CYP39A1: variants seen among roughly 807,000 people sequenced by gnomAD.
CYP39A1 encodes 24-hydroxycholesterol 7-alpha-hydroxylase.
Under a neutral mutation model 58.1 loss-of-function variants are expected in CYP39A1, and 49 were observed. The ratio of observed to expected loss-of-function variants is 0.84; its 90% CI spans 0.67 to 1.07. CYP39A1 has a LOEUF of 1.07. Among genes scored for constraint, CYP39A1 ranks in the 50% least tolerant of loss-of-function variants. The probability of loss-of-function intolerance (pLI) is 0.00; values close to 1 mark genes in which losing one functional copy is unlikely to be tolerated. For synonymous variants in CYP39A1, 209 were observed against 187.6 expected, an observed-to-expected ratio of 1.11 and a Z score of -0.93; for missense variants, 531 against 539.4, an observed-to-expected ratio of 0.98 and a Z score of 0.16.
At chr6:46,611,862 G>C (rs1774235125) in intron 7 of CYP39A1, among the ~76,000 whole-genome samples, 1 of 152,098 alleles carries the variant, frequency 6.6e-6, no homozygotes, top group Admixed American at 6.6e-5. Flanking sequence ...TCTCTGGAGA[G>C]ATGTCAGCCT....
rs1776191810 is a variant in CYP39A1, at chr6:46,639,474, AT to A, written c.488+19del. 6.2e-7 allele frequency: 1 copy of A among 1,609,828 alleles called. No homozygotes were observed. The highest frequency in any genetic ancestry group is 1.7e-5 in the Admixed American group (1 of 59,046). On this transcript the variant is annotated intron_variant, in intron 3 of 11. Transcript: ENST00000275016. ...TTAAAACAAAAAGCAAGACTAAATC[AT>A]ACTAATGCGTCTATTTACCTTACTA...
chr6:46,569,664 A>G (rs2150492640), intron 10 of CYP39A1, among the ~76,000 whole-genome samples: 1 of 152,208 alleles, frequency 6.6e-6, no homozygotes. Flanking sequence ...TTAATGTGGT[A>G]TATGACATTC....
intron 9 of CYP39A1, among the ~76,000 whole-genome samples, chr6:46,587,582 T>C (rs943022935): frequency 2.0e-5 from 3 of 152,150 alleles, no homozygotes; most frequent in African/African-American, 7.2e-5. Flanking sequence ...CAGTTTTACC[T>C]AAAGGCAGAG....
At chr6:46,594,853 C>G (rs1159636660) in intron 8 of CYP39A1, among the ~76,000 whole-genome samples, 1 of 151,762 alleles carries the variant, frequency 6.6e-6, no homozygotes, top group Admixed American at 6.6e-5. Context: ...GCCAAAGAAA[C>G]AGTCAACAGA....
chr6:46,595,602 G>A (rs1193639113), intron 8 of CYP39A1, among the ~76,000 whole-genome samples: 1 of 151,742 alleles, frequency 6.6e-6, no homozygotes, highest in East Asian at 1.9e-4. Flanking sequence ...AGGGGTGGAG[G>A]AGGACCTGGA....
intron 1 of CYP39A1, among the ~76,000 whole-genome samples, chr6:46,642,866 C>A (rs1776430214): frequency 6.6e-6 from 1 of 152,206 alleles, no homozygotes; most frequent in Non-Finnish European, 1.5e-5. Flanking sequence ...ATGGAGCAAT[C>A]AAGTAGCGGT....
chr6:46,585,807 C>T (rs1772442194), intron 10 of CYP39A1, among the ~76,000 whole-genome samples: 1 of 152,100 alleles, frequency 6.6e-6, no homozygotes, highest in Admixed American at 6.6e-5. Flanking sequence ...GATTCAGGCT[C>T]CTACTATATT....
chr6:46,563,533 C>A (rs185697152), intron 10 of CYP39A1, among the ~76,000 whole-genome samples: 5 of 152,170 alleles, frequency 3.3e-5, no homozygotes, highest in Admixed American at 1.3e-4. Flanking sequence ...ATTGAGAACA[C>A]CAAGACCGAC....
At chr6:46,614,796 G>T (rs182352768) in intron 7 of CYP39A1, among the ~76,000 whole-genome samples, 2 of 152,058 alleles carry the variant, frequency 1.3e-5, no homozygotes, top group African/African-American at 4.8e-5. Flanking sequence ...CTTTTAAGAG[G>T]GCTGGACAAC....
Position 46,622,576 on chromosome 6 carries a change from G to GCAC in CYP39A1, c.931+2841_931+2842insGTG, listed in dbSNP as rs1249942354. Among the ~76,000 whole-genome samples the GCAC allele has an allele frequency of 8.3e-3, 1,264 of 152,008 alleles. 26 individuals carry two copies. The highest frequency in any genetic ancestry group is 0.028 in the African/African-American group (1,158 of 41,452). ...TGTAGTGAGCTATGATCATTCCACTGTACTCCAGGTGACAAAGTGAGACCC... is the reference window on the plus strand; with the variant it reads ...TGTAGTGAGCTATGATCATTCCACTGCACTACTCCAGGTGACAAAGTGAGACCC... On this transcript the variant is annotated intron_variant, in intron 7 of 11. Transcript: ENST00000275016.
intron 6 of CYP39A1, among the ~76,000 whole-genome samples, chr6:46,627,410 TTTTA>T (rs144915448): frequency 0.094 from 8,838 of 94,406 alleles, 249 homozygotes; most frequent in South Asian, 0.17. Context: ...TGGCTGTTAC[TTTTA>T]TTTATTTATT....
At chr6:46,615,209 T>G (rs1247582019) in intron 7 of CYP39A1, among the ~76,000 whole-genome samples, 2 of 151,244 alleles carry the variant, frequency 1.3e-5, no homozygotes, top group Non-Finnish European at 2.9e-5. Flanking sequence ...ATATGTGTGT[T>G]TGTAAATAAT....
intron 7 of CYP39A1, among the ~76,000 whole-genome samples, chr6:46,609,129 C>T (rs1055158155): frequency 6.6e-6 from 1 of 151,718 alleles, no homozygotes; most frequent in Non-Finnish European, 1.5e-5. Flanking sequence ...GGCCAGGCAC[C>T]GTGGGCTCAC....
intron 10 of CYP39A1, among the ~76,000 whole-genome samples, chr6:46,570,859 C>T (rs1771552347): frequency 6.6e-6 from 1 of 152,190 alleles, no homozygotes. Flanking sequence ...ATAGGGCCAC[C>T]TCCAATACTG....
At chr6:46,568,316 G>A (rs1157692526) in intron 10 of CYP39A1, among the ~76,000 whole-genome samples, 3 of 152,070 alleles carry the variant, frequency 2.0e-5, no homozygotes, top group Non-Finnish European at 4.4e-5. Flanking sequence ...TATCAGATAT[G>A]TAATTTGCAA....
chr6:46,596,756 G>A (rs914010746), intron 7 of CYP39A1, among the ~76,000 whole-genome samples: 3 of 152,050 alleles, frequency 2.0e-5, no homozygotes, highest in Non-Finnish European at 4.4e-5. Flanking sequence ...TGGGGTGGAC[G>A]AAGGGCATCA....
At chr6:46,609,348 A>AGCTGAGTCCGCGCC (rs1204334985) in intron 7 of CYP39A1, among the ~76,000 whole-genome samples, 1 of 150,934 alleles carries the variant, frequency 6.6e-6, no homozygotes, top group African/African-American at 2.4e-5. Flanking sequence ...GCTTGCAGTG[A>AGCTGAGTCCGCGCC]GCTGAGTCCG....
chr6:46,599,296 C>T (rs1413944621), intron 7 of CYP39A1, among the ~76,000 whole-genome samples: 2 of 151,346 alleles, frequency 1.3e-5, no homozygotes, highest in South Asian at 2.1e-4. Context: ...AGGAGCACAG[C>T]GGTGACAGTG....
intron 7 of CYP39A1, among the ~76,000 whole-genome samples, chr6:46,616,060 T>G: frequency 8.0e-6 from 1 of 125,380 alleles, no homozygotes; most frequent in Admixed American, 8.5e-5. Flanking sequence ...TCTTTTCTTT[T>G]CTCTCTCTTT....
Sources: allele counts gnomAD v4.1 joint callset (sites outside exome capture counted in the v4.1 genomes callset), GRCh38; gene constraint gnomAD v4.1.1; transcripts MANE v1.5; gene names NCBI Gene and HGNC (gene_info 2026-07-23, HGNC 2026-07-21).